DDX50: variants seen among roughly 807,000 people sequenced by gnomAD.
DDX50 encodes the protein DExD-box helicase 50, also known as ATP-dependent RNA helicase DDX50.
In DDX50, 56 loss-of-function variants were observed where a neutral mutation model predicts 94.8. That is an observed-to-expected ratio of 0.59 (90% CI 0.48 to 0.74). DDX50 has a LOEUF of 0.74. Among genes scored for constraint, DDX50 ranks in the 30% least tolerant of loss-of-function variants. DDX50 has a pLI of 0.00. For missense variants in DDX50, 713 were observed against 881.2 expected (o/e 0.81, Z 2.42); for synonymous variants, 264 against 295.4 (o/e 0.89, Z 1.09).
rs1480087565 is a variant in DDX50, at chr10:68,911,133, G to C, written c.526G>C (p.Asp176His). The C allele has an allele frequency of 6.2e-7, 1 of 1,611,716 alleles. No homozygotes were observed. Among genetic ancestry groups the C allele is most frequent in the African/African-American group, 1.3e-5 (1 of 74,848 alleles). ...CTTTGGTCCTGTATATGAAGGAAAA[G>C]ATTTAATAGCTCAAGCACGGACAGG... is the stretch of plus-strand genomic sequence containing the variant. Reference protein sequence around the residue: ...KTFGPVYEGKDLIAQARTGTG... With the variant: ...KTFGPVYEGKHLIAQARTGTG... Residue 176 changes from aspartate (D) to histidine (H), a missense_variant, in exon 4 of 15, where the codon GAT becomes CAT. Asp to His is a moderately conservative substitution (Grantham distance 81, BLOSUM62 -1). Around this residue, in one of 2 missense-constraint regions of DDX50, gnomAD observed 285 missense variants for 278.9 expected, o/e 1.02. Transcript: ENST00000373585.
At chr10:68,926,260 G>A (rs1039181178) in intron 8 of DDX50, among the ~76,000 whole-genome samples, 1 of 149,482 alleles carries the variant, frequency 6.7e-6, no homozygotes, top group African/African-American at 2.5e-5. Context: ...GTGGTAGAGG[G>A]TAATTGATTT....
In DDX50 at chr10:68,934,780, T is replaced by C; in HGVS notation, c.1402-19T>C. The stretch of plus-strand genomic sequence containing the variant: ...AACTTGCTAGATTTTTAAAAAATAT[T>C]ACCTTTTATAATCTTTAGGATGTTG... On this transcript the variant is annotated intron_variant, in intron 9 of 14. Transcript: ENST00000373585. The surrounding 1 kb of genome is among the most constrained non-coding windows in gnomAD (Gnocchi z 4.0). The C allele has an allele frequency of 6.4e-7, 1 of 1,572,596 alleles. No homozygotes were observed. Among genetic ancestry groups the C allele is most frequent in the Admixed American group, 2.0e-5 (1 of 50,502 alleles).
intron 8 of DDX50, among the ~76,000 whole-genome samples, chr10:68,926,416 TG>T (rs2132044583): frequency 6.6e-6 from 1 of 151,916 alleles, no homozygotes; most frequent in South Asian, 2.1e-4. Context: ...ATTTGGAGAA[TG>T]GAATTCTCCA....
At chr10:68,921,119 A>C (rs771998028) in intron 8 of DDX50, among the ~76,000 whole-genome samples, 1 of 152,034 alleles carries the variant, frequency 6.6e-6, no homozygotes, top group Non-Finnish European at 1.5e-5. Context: ...TTTTGATGCA[A>C]ACCCTGGATA....
intron 13 of DDX50, 22 bp from the exon 14 acceptor site, chr10:68,943,191 T>A (rs1320994330): frequency 6.2e-7 from 1 of 1,601,788 alleles, no homozygotes; most frequent in Non-Finnish European, 8.5e-7. Flanking sequence ...ATTTAAAATG[T>A]TTTGCTTTGT....
chr10:68,908,732 C>A (rs7901973), intron 2 of DDX50, among the ~76,000 whole-genome samples: 2 of 149,804 alleles, frequency 1.3e-5, no homozygotes, highest in East Asian at 2.0e-4. Flanking sequence ...CCTCATCCTC[C>A]CTGGGCTCAG....
At chr10:68,914,008 C>T in intron 6 of DDX50, 51 bp from the exon 7 acceptor site, 1 of 1,491,926 alleles carries the variant, frequency 6.7e-7, no homozygotes, top group South Asian at 1.3e-5. Context: ...TAAGAGCGGG[C>T]TACATCGTGG....
intron 8 of DDX50, among the ~76,000 whole-genome samples, chr10:68,925,949 G>A (rs1842071080): frequency 6.7e-6 from 1 of 150,342 alleles, no homozygotes; most frequent in East Asian, 2.0e-4. Flanking sequence ...GGGAGGCAGA[G>A]GTTGCAGTGA....
chr10:68,919,523 A>G (rs1295211899), intron 7 of DDX50, among the ~76,000 whole-genome samples: 1 of 152,156 alleles, frequency 6.6e-6, no homozygotes, highest in Non-Finnish European at 1.5e-5. Flanking sequence ...ATGATACTGT[A>G]TGTGCTCATT....
intron 14 of DDX50, among the ~76,000 whole-genome samples, chr10:68,944,289 CCTCT>C (rs574656759): frequency 1.3e-5 from 2 of 151,924 alleles, no homozygotes; most frequent in Non-Finnish European, 2.9e-5. Context: ...CTTCCTCCTC[CCTCT>C]CTCTCTTTTA....
At chr10:68,937,219 T>A (rs1019912596) in intron 12 of DDX50, 124 bp downstream of exon 12, 2 of 1,058,094 alleles carry the variant, frequency 1.9e-6, no homozygotes, top group Admixed American at 6.6e-5. Context: ...GAGAAACTGG[T>A]CTCCTTATTT....
At chr10:68,939,061 G>A (rs887109577) in intron 12 of DDX50, among the ~76,000 whole-genome samples, 1 of 152,054 alleles carries the variant, frequency 6.6e-6, no homozygotes, top group African/African-American at 2.4e-5. Context: ...TTTGGCAAGG[G>A]TACTTTATAG....
At position 68,934,627 on chromosome 10, in the gene DDX50, G is replaced by A. The variant is rs1229158363; in HGVS notation, c.1402-172G>A. On this transcript the variant is annotated intron_variant, in intron 9 of 14. Coordinates refer to ENST00000373585, the MANE Select transcript of DDX50 (RefSeq NM_024045.2). This position sits in a 1 kb window ranked among gnomAD's most constrained non-coding sequence, Gnocchi z 4.0. ...AAACCTGGGATGAGGTGGATTAAAA[G>A]GTTTTAAATCATATTGCCTTTACCC... Among the ~76,000 whole-genome samples, 1 of 151,922 alleles carries A rather than the reference G, an allele frequency of 6.6e-6. No individual in the cohort carries two copies. Among genetic ancestry groups the A allele is most frequent in the East Asian group, 1.9e-4 (1 of 5,186 alleles).
At chr10:68,927,883 G>T (rs771092252) in intron 8 of DDX50, among the ~76,000 whole-genome samples, 15 of 152,110 alleles carry the variant, frequency 9.9e-5, no homozygotes, top group African/African-American at 3.1e-4. Flanking sequence ...TGAGCTGGCC[G>T]CCATGGTTCA....
At chr10:68,904,886 TCA>T (rs1491313170) in intron 1 of DDX50, among the ~76,000 whole-genome samples, 1 of 152,268 alleles carries the variant, frequency 6.6e-6, no homozygotes, top group Non-Finnish European at 1.5e-5. Flanking sequence ...TGTTCAATTC[TCA>T]CAGCAATTCC....
intron 8 of DDX50, among the ~76,000 whole-genome samples, chr10:68,932,857 C>T (rs1842306818): frequency 6.6e-6 from 1 of 152,064 alleles, no homozygotes; most frequent in African/African-American, 2.4e-5. Context: ...AATAAATACT[C>T]ATAGAGTATT....
rs531725571 is a variant in DDX50, at chr10:68,913,924, A to G, written c.944-135A>G. The G allele has an allele frequency of 1.0e-5, 9 of 869,080 alleles. No homozygotes were observed. In the East Asian group the frequency reaches 1.2e-4, roughly 12 times the overall value. 53.8% of individuals were successfully genotyped at this position (869,080 alleles called of 1,614,324 possible). On this transcript the variant is annotated intron_variant, in intron 6 of 14. Coordinates refer to ENST00000373585, the MANE Select transcript of DDX50 (RefSeq NM_024045.2). The stretch of plus-strand genomic sequence containing the variant: ...CAAGTTGAAAGTTTTAATAATTGCA[A>G]TGAAGTCTGTGTGTTAAAAATTCAC...
rs375773633 is a variant in DDX50, at chr10:68,931,426, T to TATATGTATATATATATATACACACAC, written c.1240-2772_1240-2771insTATGTATATATATATATACACACACA. Among the ~76,000 whole-genome samples, 5 of 84,844 alleles carry TATATGTATATATATATATACACACAC rather than the reference T, an allele frequency of 5.9e-5. No individual in the cohort carries two copies. The East Asian group carries it at 2.0e-3, about 35-fold the overall frequency. 55.7% of individuals were successfully genotyped at this position (84,844 alleles called of 152,430 possible). ...ATATATATATGTATATATATATATA[T>TATATGTATATATATATATACACACAC]ACACAAACACACACACACACAATTT... On this transcript the variant is annotated intron_variant, in intron 8 of 14. Coordinates refer to ENST00000373585, the MANE Select transcript of DDX50 (RefSeq NM_024045.2).
At chr10:68,912,794 A>G (rs1301368659) in intron 4 of DDX50, among the ~76,000 whole-genome samples, 1 of 152,242 alleles carries the variant, frequency 6.6e-6, no homozygotes, top group Non-Finnish European at 1.5e-5. Flanking sequence ...TAAGGAATAC[A>G]GTAACCCAAC....
Sources: allele counts gnomAD v4.1 joint callset (sites outside exome capture counted in the v4.1 genomes callset), GRCh38; gene constraint gnomAD v4.1.1; regional missense constraint gnomAD v4.1.1; non-coding constraint Gnocchi (gnomAD v3.1); transcripts MANE v1.5; gene names NCBI Gene and HGNC (gene_info 2026-07-23, HGNC 2026-07-21).